Variants in SEMA6D observed in about 807,000 individuals in gnomAD.
SEMA6D encodes semaphorin-6D.
Under a neutral mutation model 106.6 loss-of-function variants are expected in SEMA6D, and 35 were observed. The ratio of observed to expected loss-of-function variants is 0.33; its 90% confidence interval spans 0.25 to 0.44. SEMA6D has a LOEUF of 0.44. Ranked by LOEUF, SEMA6D falls within the 20% of genes least tolerant of loss-of-function variation. The pLI is 1.00. For missense variants in SEMA6D, 1,185 were observed against 1,345.9 expected, an observed-to-expected ratio of 0.88 and a Z score of 1.87; for synonymous variants, 499 against 487.7, an observed-to-expected ratio of 1.02 and a Z score of -0.31.
chr15:47,504,890 G>A (rs976494148), intron 3 of SEMA6D, among the ~76,000 whole-genome samples: 1 of 152,130 alleles, frequency 6.6e-6, no homozygotes, highest in African/African-American at 2.4e-5. Context: ...TCTTTGTGGA[G>A]GAGAGTGGAA....
At chr15:47,522,139 T>C (rs2044603296) in intron 3 of SEMA6D, among the ~76,000 whole-genome samples, 1 of 152,212 alleles carries the variant, frequency 6.6e-6, no homozygotes, top group African/African-American at 2.4e-5. Flanking sequence ...ACTATACACA[T>C]GTCCTGCGGA....
intron 3 of SEMA6D, among the ~76,000 whole-genome samples, chr15:47,586,140 A>G (rs1348128330): frequency 1.3e-5 from 2 of 152,248 alleles, no homozygotes; most frequent in Non-Finnish European, 2.9e-5. Context: ...AATATTTATT[A>G]CACATAAAAA....
intron 4 of SEMA6D, among the ~76,000 whole-genome samples, chr15:47,603,059 G>A (rs1259094869): frequency 6.6e-6 from 1 of 152,174 alleles, no homozygotes; most frequent in Non-Finnish European, 1.5e-5. Flanking sequence ...GGGCCCAAGT[G>A]AGATGGCGTA....
At chr15:47,234,829 G>T (rs1483717907) in intron 1 of SEMA6D, among the ~76,000 whole-genome samples, 1 of 151,986 alleles carries the variant, frequency 6.6e-6, no homozygotes, top group Non-Finnish European at 1.5e-5. Flanking sequence ...GTGCATTTTT[G>T]ATATAATGAT....
At chr15:47,443,372 A>G (rs1004832795) in intron 2 of SEMA6D, among the ~76,000 whole-genome samples, 1 of 152,098 alleles carries the variant, frequency 6.6e-6, no homozygotes, top group Non-Finnish European at 1.5e-5. Flanking sequence ...ACCTTGGGCT[A>G]CTATTTAAAT....
At position 47,771,025 on chromosome 15, in the gene SEMA6D, A is replaced by T. The variant is rs112349454; in HGVS notation, c.2462A>T (p.His821Leu). 6.2e-7 allele frequency: 1 copy of T among 1,614,076 alleles called. No homozygotes were observed. Among genetic ancestry groups the T allele is most frequent in the Admixed American group, 1.7e-5 (1 of 60,004 alleles). ...SSPPPHSPLS[H>L]GHIPSAIVLP... ...CCGCCACCTCATTCCCCATTAAGTC[A>T]TGGGCATATCCCCAGTGCCATTGTT... Residue 821 changes from histidine (H) to leucine (L), a missense_variant, in exon 19 of 19, where the codon CAT becomes CTT. His to Leu is a moderately conservative substitution (Grantham distance 99). Transcript: ENST00000536845.
intron 3 of SEMA6D, among the ~76,000 whole-genome samples, chr15:47,578,771 A>G (rs911505075): frequency 6.6e-6 from 1 of 152,090 alleles, no homozygotes. Flanking sequence ...TGTGGCATAC[A>G]TTTTCAGCCA....
At chr15:47,601,517 T>A (rs1323450305) in intron 4 of SEMA6D, among the ~76,000 whole-genome samples, 6 of 152,134 alleles carry the variant, frequency 3.9e-5, no homozygotes, top group Non-Finnish European at 1.5e-5. Context: ...CAGGAATAAG[T>A]TTTCAAAAGG....
intron 3 of SEMA6D, among the ~76,000 whole-genome samples, chr15:47,574,120 T>C (rs962844150): frequency 1.1e-4 from 16 of 152,258 alleles, no homozygotes; most frequent in African/African-American, 3.9e-4. Flanking sequence ...GTTTTGCCAA[T>C]GCTTATTGTG....
At chr15:47,666,823 G>A (rs1273160080) in intron 4 of SEMA6D, among the ~76,000 whole-genome samples, 1 of 151,952 alleles carries the variant, frequency 6.6e-6, no homozygotes, top group East Asian at 1.9e-4. Flanking sequence ...TGAAAGAAAA[G>A]TGCTTTCCAA....
At chr15:47,610,972 A>C (rs138905453) in intron 4 of SEMA6D, among the ~76,000 whole-genome samples, 1 of 152,318 alleles carries the variant, frequency 6.6e-6, no homozygotes, top group East Asian at 1.9e-4. Context: ...TGCTCAGAGC[A>C]TATGTCTTTA....
intron 1 of SEMA6D, among the ~76,000 whole-genome samples, chr15:47,254,503 T>C (rs569408256): frequency 1.3e-5 from 2 of 152,152 alleles, no homozygotes. Flanking sequence ...CCTCATCTTG[T>C]TCTAGATCTA....
At chr15:47,691,532 C>T (rs928197575) in intron 4 of SEMA6D, among the ~76,000 whole-genome samples, 2 of 152,108 alleles carry the variant, frequency 1.3e-5, no homozygotes, top group African/African-American at 4.8e-5. Context: ...AAGTCTTTAA[C>T]CTTCTCTTTA....
At chr15:47,572,989 G>GA (rs565059502) in intron 3 of SEMA6D, among the ~76,000 whole-genome samples, 338 of 151,546 alleles carry the variant, frequency 2.2e-3, no homozygotes, top group African/African-American at 8.0e-3. Flanking sequence ...CTTGACACTT[G>GA]AAAAAAAAGT....
At chr15:47,632,297 G>A (rs987889102) in intron 4 of SEMA6D, among the ~76,000 whole-genome samples, 3 of 151,900 alleles carry the variant, frequency 2.0e-5, no homozygotes, top group Non-Finnish European at 4.4e-5. Flanking sequence ...GGGATAGAGT[G>A]TTCTCTCTGT....
At chr15:47,454,599 G>GCGCACACACA (rs113699947) in intron 2 of SEMA6D, among the ~76,000 whole-genome samples, 9 of 148,990 alleles carry the variant, frequency 6.0e-5, no homozygotes, top group African/African-American at 2.2e-4. Flanking sequence ...TTGCACATGT[G>GCGCACACACA]CACACACACA....
At position 47,755,196 on chromosome 15, in the gene SEMA6D, C is replaced by T. The variant is rs549009597; in HGVS notation, c.-54-4549C>T. Among the ~76,000 whole-genome samples, 49 of 152,126 alleles carry T rather than the reference C, an allele frequency of 3.2e-4. No homozygotes were observed. In the East Asian group the frequency reaches 7.7e-3, roughly 24 times the overall value. ...CAAACTCCTGACCTCATGATCCCCCCGCCTCGGCCTCCCAAAGTATTACAG... is the reference window on the plus strand; with the variant it reads ...CAAACTCCTGACCTCATGATCCCCCTGCCTCGGCCTCCCAAAGTATTACAG... On this transcript the variant is annotated intron_variant, in intron 1 of 18. Coordinates refer to ENST00000536845, the MANE Select transcript of SEMA6D (RefSeq NM_001358351.3).
At chr15:47,328,732 A>T (rs1039989010) in intron 1 of SEMA6D, among the ~76,000 whole-genome samples, 3 of 152,230 alleles carry the variant, frequency 2.0e-5, no homozygotes, top group African/African-American at 7.2e-5. Flanking sequence ...TAGCCTCTTC[A>T]TCCAAGCAAG....
intron 3 of SEMA6D, among the ~76,000 whole-genome samples, chr15:47,560,927 A>T (rs1026545811): frequency 6.6e-6 from 1 of 152,116 alleles, no homozygotes; most frequent in African/African-American, 2.4e-5. Flanking sequence ...CACATCCCTC[A>T]TAATGAACCA....
Sources: allele counts gnomAD v4.1 joint callset (sites outside exome capture counted in the v4.1 genomes callset), GRCh38; gene constraint gnomAD v4.1.1; transcripts MANE v1.5; gene names NCBI Gene and HGNC (gene_info 2026-07-23, HGNC 2026-07-21).